The following CNTNAP2 variants were observed in gnomAD, a reference collection of about 807,000 sequenced individuals.
The protein encoded by CNTNAP2 is contactin associated protein 2, also known as contactin-associated protein-like 2.
Under a neutral mutation model 155.2 loss-of-function variants are expected in CNTNAP2, and 98 were observed. The ratio of observed to expected loss-of-function variants is 0.63; its 90% CI spans 0.54 to 0.75. The LOEUF (loss-of-function observed/expected upper bound fraction) is 0.75. Among genes scored for constraint, CNTNAP2 ranks in the 30% least tolerant of loss-of-function variants. The pLI is 0.00. For missense variants in CNTNAP2, 1,727 were observed against 1,688.1 expected (o/e 1.02, Z -0.40); for synonymous variants, 651 against 631.2 (o/e 1.03, Z -0.47).
chr7:147,890,580 G>A (rs1412312358), intron 13 of CNTNAP2, among the ~76,000 whole-genome samples: 1 of 152,098 alleles, frequency 6.6e-6, no homozygotes, highest in Admixed American at 6.5e-5. Context: ...GCCCAGATGT[G>A]GAATCAACCC....
intron 13 of CNTNAP2, among the ~76,000 whole-genome samples, chr7:147,708,886 C>T (rs1781262840): frequency 6.6e-6 from 1 of 152,174 alleles, no homozygotes; most frequent in Admixed American, 6.5e-5. Context: ...TAGCAGATGC[C>T]TCTAGTCAGC....
At chr7:147,959,864 C>A (rs1248888120) in intron 14 of CNTNAP2, among the ~76,000 whole-genome samples, 1 of 152,072 alleles carries the variant, frequency 6.6e-6, no homozygotes, top group Non-Finnish European at 1.5e-5. Context: ...CAGTTGGTAC[C>A]TCAACTTCAA....
intron 1 of CNTNAP2, among the ~76,000 whole-genome samples, chr7:146,670,052 C>A (rs1800274388): frequency 6.6e-6 from 1 of 152,102 alleles, no homozygotes; most frequent in Admixed American, 6.6e-5. Context: ...TGTATAAAGG[C>A]CCGCTGTCTG....
intron 21 of CNTNAP2, among the ~76,000 whole-genome samples, chr7:148,363,844 T>TGCGTGCGC (rs1554424562): frequency 4.0e-5 from 5 of 125,832 alleles, no homozygotes; most frequent in African/African-American, 1.2e-4. Flanking sequence ...GAACTGGGGC[T>TGCGTGCGC]GCGTGCGGGC....
intron 3 of CNTNAP2, among the ~76,000 whole-genome samples, chr7:146,925,096 T>C (rs1038789027): frequency 2.6e-5 from 4 of 152,154 alleles, no homozygotes; most frequent in African/African-American, 9.6e-5. Context: ...CTGACCCTTT[T>C]AAAATTTCTC....
intron 3 of CNTNAP2, among the ~76,000 whole-genome samples, chr7:147,032,860 A>G (rs1799062698): frequency 6.6e-6 from 1 of 152,034 alleles, no homozygotes. Flanking sequence ...TTAAAAAGAC[A>G]GTCCACTTGT....
chr7:148,235,176 G>A (rs906341557), intron 20 of CNTNAP2, among the ~76,000 whole-genome samples: 4 of 152,182 alleles, frequency 2.6e-5, no homozygotes, highest in Non-Finnish European at 4.4e-5. Context: ...ATATAAGCAC[G>A]GTAATTTCTT....
At chr7:148,077,467 T>A (rs1207596661) in intron 15 of CNTNAP2, among the ~76,000 whole-genome samples, 1 of 152,224 alleles carries the variant, frequency 6.6e-6, no homozygotes, top group Non-Finnish European at 1.5e-5. Context: ...TTTCCCCAGA[T>A]GTTCCCTGCT....
At chr7:147,527,362 C>T (rs920323286) in intron 11 of CNTNAP2, among the ~76,000 whole-genome samples, 5 of 151,972 alleles carry the variant, frequency 3.3e-5, no homozygotes, top group African/African-American at 7.3e-5. Flanking sequence ...AATTAGAAAA[C>T]CAAGGTTTAG....
At chr7:148,025,419 C>T (rs951656171) in intron 15 of CNTNAP2, among the ~76,000 whole-genome samples, 1 of 152,176 alleles carries the variant, frequency 6.6e-6, no homozygotes, top group Non-Finnish European at 1.5e-5. Context: ...CACCCATTCC[C>T]CATCCCCCTA....
At chr7:147,860,589 C>CAAAA (rs11342244) in intron 13 of CNTNAP2, among the ~76,000 whole-genome samples, 1 of 124,440 alleles carries the variant, frequency 8.0e-6, no homozygotes, top group Non-Finnish European at 1.7e-5. Context: ...GACTCTGTCT[C>CAAAA]AAAAAAAAAA....
intron 15 of CNTNAP2, among the ~76,000 whole-genome samples, chr7:148,082,769 C>A (rs917715455): frequency 6.6e-6 from 1 of 152,098 alleles, no homozygotes; most frequent in Non-Finnish European, 1.5e-5. Context: ...ACCTCCACCT[C>A]CTGCGTTCAA....
chr7:148,250,109 C>T (rs79338547), intron 20 of CNTNAP2, among the ~76,000 whole-genome samples: 1,686 of 152,332 alleles, frequency 0.011, 26 homozygotes, highest in African/African-American at 0.038. Flanking sequence ...GGCTTCATGC[C>T]GGGAATTCTC....
intron 2 of CNTNAP2, among the ~76,000 whole-genome samples, chr7:146,812,869 C>T (rs1053491759): frequency 1.3e-5 from 2 of 152,160 alleles, no homozygotes; most frequent in Non-Finnish European, 2.9e-5. Context: ...GGAGATGGTG[C>T]CCTATGTCTC....
At position 147,826,190 on chromosome 7, in the gene CNTNAP2, C is replaced by G. The variant is rs367761036; in HGVS notation, c.2099-77375C>G. Among the ~76,000 whole-genome samples, 5 of 152,150 alleles carry G rather than the reference C, an allele frequency of 3.3e-5. No individual in the cohort carries two copies. In the East Asian group the frequency reaches 9.7e-4, roughly 29 times the overall value. On this transcript the variant is annotated intron_variant, in intron 13 of 23. Transcript: ENST00000361727. ...TAGAGAAAGACTGAAGCTGAGAACA[C>G]TAAGAAAATGTTTTAACAGTGATAG...
intron 10 of CNTNAP2, among the ~76,000 whole-genome samples, chr7:147,440,208 T>C (rs963483338): frequency 1.3e-5 from 2 of 152,068 alleles, no homozygotes; most frequent in South Asian, 4.1e-4. Context: ...TAGTTTCTTG[T>C]TTTTTATTTT....
At chr7:146,566,833 G>A (rs1354204870) in intron 1 of CNTNAP2, among the ~76,000 whole-genome samples, 1 of 152,042 alleles carries the variant, frequency 6.6e-6, no homozygotes, top group Non-Finnish European at 1.5e-5. Context: ...TCCTAGAAAG[G>A]TCTTCATAGT....
intron 10 of CNTNAP2, among the ~76,000 whole-genome samples, chr7:147,397,802 C>A: frequency 6.6e-6 from 1 of 150,416 alleles, no homozygotes; most frequent in African/African-American, 2.4e-5. Flanking sequence ...ATAGGTCAGG[C>A]CCAATATTCA....
At chr7:147,802,713 C>A (rs979353800) in intron 13 of CNTNAP2, among the ~76,000 whole-genome samples, 1 of 143,524 alleles carries the variant, frequency 7.0e-6, no homozygotes, top group South Asian at 2.3e-4. Flanking sequence ...TGCAGTGAGC[C>A]GAGATGGCAG....
Sources: allele counts gnomAD v4.1 joint callset (sites outside exome capture counted in the v4.1 genomes callset), GRCh38; gene constraint gnomAD v4.1.1; transcripts MANE v1.5; gene names NCBI Gene and HGNC (gene_info 2026-07-23, HGNC 2026-07-21).